The following ABCA8 variants were observed in gnomAD, a reference collection of about 807,000 sequenced individuals.
The protein encoded by ABCA8 is ATP binding cassette subfamily A member 8, also known as ABC-type organic anion transporter ABCA8.
In ABCA8, 177 loss-of-function variants were observed where a neutral mutation model predicts 192.3. The ratio of observed to expected loss-of-function variants is 0.92; its 90% CI spans 0.81 to 1.04. The LOEUF is 1.04. Among genes scored for constraint, ABCA8 ranks in the 50% least tolerant of loss-of-function variants. ABCA8 has a pLI of 0.00. For synonymous variants in ABCA8, 642 were observed against 690.2 expected (o/e 0.93, Z 1.09); for missense variants, 1,915 against 1,904.8 (o/e 1.01, Z -0.10).
intron 17 of ABCA8, 77 bp from the exon 18 acceptor site, chr17:68,907,956 T>G: frequency 8.0e-7 from 1 of 1,245,710 alleles, no homozygotes; most frequent in Non-Finnish European, 1.0e-6. Flanking sequence ...TTAACTAGTC[T>G]CTATAGGACA....
chr17:68,954,539 C>T (rs1365033242), intron 1 of ABCA8, among the ~76,000 whole-genome samples: 1 of 152,016 alleles, frequency 6.6e-6, no homozygotes, highest in African/African-American at 2.4e-5. Context: ...CATTTTTATC[C>T]TCTTATACTG....
intron 13 of ABCA8, among the ~76,000 whole-genome samples, chr17:68,920,306 G>A (rs946751013): frequency 6.6e-6 from 1 of 151,988 alleles, no homozygotes; most frequent in Non-Finnish European, 1.5e-5. Flanking sequence ...TGGGTACTGG[G>A]CTTAATACCT....
rs1021991900 is a variant in ABCA8 at position 68,911,201 on chromosome 17, C to A, written c.2139-3322G>T. On this transcript the variant is annotated intron_variant, in intron 17 of 39. Transcript: ENST00000586539. The surrounding 1 kb of genome is among the most constrained non-coding windows in gnomAD (Gnocchi z 5.7). ...GGACTTGCCCCAGGCCAGAGGGGAG[C>A]CCATTGCCCTGAAGGGAGCTGCTAC... Among the ~76,000 whole-genome samples, 4 of 152,120 alleles carry A rather than the reference C, an allele frequency of 2.6e-5. No homozygotes were observed. Among genetic ancestry groups the A allele is most frequent in the African/African-American group, 9.7e-5 (4 of 41,434 alleles).
intron 23 of ABCA8, 22 bp downstream of exon 23, chr17:68,894,151 T>C: frequency 3.1e-6 from 5 of 1,611,188 alleles, no homozygotes; most frequent in Non-Finnish European, 4.2e-6. Flanking sequence ...GAGTCAGGAA[T>C]TGTAAGATTA....
At chr17:68,895,045 A>AGTT in intron 21 of ABCA8, 32 bp from the exon 22 acceptor site, 2 of 1,537,696 alleles carry the variant, frequency 1.3e-6, no homozygotes, top group South Asian at 2.7e-5. Flanking sequence ...TAGGTATCAC[A>AGTT]AAACTAAAAA....
intron 4 of ABCA8, among the ~76,000 whole-genome samples, chr17:68,940,157 G>A (rs928753572): frequency 7.2e-5 from 11 of 152,194 alleles, no homozygotes; most frequent in Admixed American, 2.0e-4. Context: ...TAAGGTACTC[G>A]TTAAGTTAAC....
At chr17:68,872,271 G>A (rs1384459813) in intron 37 of ABCA8, among the ~76,000 whole-genome samples, 1 of 152,094 alleles carries the variant, frequency 6.6e-6, no homozygotes, top group East Asian at 1.9e-4. Context: ...ATGAATTCAT[G>A]TCTTTTGTAG....
At chr17:68,937,175 T>G in intron 4 of ABCA8, 60 bp from the exon 5 acceptor site, 1 of 1,396,364 alleles carries the variant, frequency 7.2e-7, no homozygotes, top group Non-Finnish European at 9.7e-7. Context: ...AACTTCAGGA[T>G]GTCATGTTGA....
chr17:68,876,723 C>T lies in ABCA8; in HGVS notation c.4200-20G>A, dbSNP rs763646292. The T allele has an allele frequency of 6.8e-6, 11 of 1,613,770 alleles. No individual in the cohort carries two copies. The highest frequency in any genetic ancestry group is 2.7e-5 in the African/African-American group (2 of 74,894). On this transcript the variant is annotated intron_variant, in intron 33 of 39. Transcript: ENST00000586539. ...ACTAACCTGAAGGAAACAGGAGAGTCGTACAGTCTTCTTGACAAGAGGAAA... is the reference window on the plus strand; with the variant it reads ...ACTAACCTGAAGGAAACAGGAGAGTTGTACAGTCTTCTTGACAAGAGGAAA...
intron 17 of ABCA8, among the ~76,000 whole-genome samples, chr17:68,910,670 G>A (rs2067209509): frequency 6.6e-6 from 1 of 152,136 alleles, no homozygotes; most frequent in Non-Finnish European, 1.5e-5. Context: ...CGCTGTTCCA[G>A]GAGAGACTCC....
In ABCA8 at chr17:68,941,987, T is replaced by A; in HGVS notation, c.48A>T (p.Leu16Phe). 2 of 1,613,478 alleles carry A rather than the reference T, an allele frequency of 1.2e-6. No individual in the cohort carries two copies. Among genetic ancestry groups the A allele is most frequent in the East Asian group, 2.2e-5 (1 of 44,868 alleles). ...ISVCQQTWAL[L>F]CKNFLKKWRM... ...TCCATTTTTTAAGAAAGTTCTTGCA[T>A]AATAAGGCCCAAGTTTGTTGACACA... The change falls in exon 3 of 40, where the codon TTA becomes TTT. Residue 16 changes from leucine to phenylalanine, a missense_variant. Transcript: ENST00000586539.
intron 31 of ABCA8, among the ~76,000 whole-genome samples, chr17:68,881,569 T>C (rs1468880822): frequency 1.3e-5 from 2 of 152,256 alleles, no homozygotes; most frequent in African/African-American, 2.4e-5. Flanking sequence ...TTGGTTCTCT[T>C]GTGAAAAACA....
chr17:68,945,542 G>C (rs2068374910), intron 2 of ABCA8, among the ~76,000 whole-genome samples: 1 of 152,194 alleles, frequency 6.6e-6, no homozygotes, highest in African/African-American at 2.4e-5. Flanking sequence ...AGTCATAAAT[G>C]CACATTCCTT....
At chr17:68,923,178 T>C (rs1206302189) in intron 11 of ABCA8, among the ~76,000 whole-genome samples, 1 of 149,178 alleles carries the variant, frequency 6.7e-6, no homozygotes, top group Non-Finnish European at 1.5e-5. Flanking sequence ...CATATAAAGC[T>C]ATTTAATTAG....
intron 5 of ABCA8, 64 bp downstream of exon 5, chr17:68,936,887 C>G (rs2068081470): frequency 7.2e-7 from 1 of 1,396,878 alleles, no homozygotes; most frequent in Admixed American, 2.5e-5. Flanking sequence ...AACCTCTATT[C>G]CCACACATGA....
At chr17:68,902,339 G>A (rs930484497) in intron 21 of ABCA8, among the ~76,000 whole-genome samples, 12 of 152,182 alleles carry the variant, frequency 7.9e-5, no homozygotes, top group Non-Finnish European at 1.5e-4. Flanking sequence ...TCTTTATGGG[G>A]TGATGAAAAT....
intron 19 of ABCA8, 147 bp downstream of exon 19, chr17:68,905,897 A>G: frequency 1.4e-6 from 1 of 694,880 alleles, no homozygotes; most frequent in Non-Finnish European, 2.2e-6. Flanking sequence ...CTACAAAGCA[A>G]TGTTGACAGG....
intron 1 of ABCA8, among the ~76,000 whole-genome samples, 195 bp downstream of exon 1, chr17:68,955,024 A>C (rs1369234884): frequency 6.6e-6 from 1 of 152,200 alleles, no homozygotes. Context: ...TTTATCTAAT[A>C]TTAATTACCA....
intron 7 of ABCA8, among the ~76,000 whole-genome samples, chr17:68,930,980 C>T (rs546716344): frequency 2.0e-5 from 3 of 152,300 alleles, no homozygotes; most frequent in Admixed American, 1.3e-4. Flanking sequence ...CTTGGAATCA[C>T]CCAACCTCTG....
Sources: gnomAD v4.1 joint callset for allele counts (sites outside exome capture counted in the v4.1 genomes callset) on GRCh38, gnomAD v4.1.1 for gene constraint, Gnocchi (gnomAD v3.1) non-coding constraint, MANE v1.5 for transcripts, NCBI Gene and HGNC (gene_info 2026-07-23, HGNC 2026-07-21) for gene names.